The following MAP2K5 variants were observed in gnomAD, a reference collection of about 807,000 sequenced individuals.
MAP2K5 encodes dual specificity mitogen-activated protein kinase kinase 5.
In MAP2K5, 49 loss-of-function variants were observed where a neutral mutation model predicts 83.1. The observed-to-expected ratio is 0.59, with a 90% CI of 0.47 to 0.75. The LOEUF is 0.75. MAP2K5 is among the 30% of genes least tolerant of loss of function. The pLI is 0.00. For synonymous variants in MAP2K5, 202 were observed against 191.8 expected (o/e 1.05, Z -0.44); for missense variants, 457 against 557.5 (o/e 0.82, Z 1.82).
In MAP2K5 at chr15:67,668,561, C is replaced by T. The variant is rs186009220; in HGVS notation, c.847+3916C>T. The stretch of plus-strand genomic sequence containing the variant: ...CTTCACTTCAAAACATACATCGCCA[C>T]TAATGAGGTGAGAGCCCTGCATATT... On this transcript the variant is annotated intron_variant, in intron 13 of 21. Transcript: ENST00000178640. The surrounding 1 kb of genome is among the most constrained non-coding windows in gnomAD (Gnocchi z 4.0). 6.6e-6 allele frequency among the ~76,000 whole-genome samples: 1 copy of T among 152,274 alleles called. No homozygotes were observed.
chr15:67,752,520 A>G (rs2089742832), intron 19 of MAP2K5, among the ~76,000 whole-genome samples: 1 of 151,750 alleles, frequency 6.6e-6, no homozygotes, highest in South Asian at 2.1e-4. Flanking sequence ...TCTACTAAAA[A>G]TACAAAAATG....
Position 67,738,141 on chromosome 15 carries a change from T to C in MAP2K5, c.1075-10090T>C, listed in dbSNP as rs74358564. 0.11 allele frequency among the ~76,000 whole-genome samples: 16,388 copies of C among 152,158 alleles called. 976 individuals carry two copies. Among genetic ancestry groups the C allele is most frequent in the Admixed American group, 0.11 (1,731 of 15,284 alleles). On this transcript the variant is annotated intron_variant, in intron 17 of 21. Coordinates refer to ENST00000178640, the MANE Select transcript of MAP2K5 (RefSeq NM_145160.3). The surrounding 1 kb of genome is among the most constrained non-coding windows in gnomAD (Gnocchi z 4.1). ...TACTGGGATTACAGGCGTGAGCCAC[T>C]GCACTTGGCCTAGAATAGTCTTATG...
intron 12 of MAP2K5, among the ~76,000 whole-genome samples, chr15:67,660,179 A>G (rs573138797): frequency 1.7e-4 from 2 of 11,442 alleles, no homozygotes; most frequent in South Asian, 0.014. Flanking sequence ...CTGGAGTAGA[A>G]GAAATGTTTT....
intron 8 of MAP2K5, among the ~76,000 whole-genome samples, chr15:67,622,883 G>A (rs970230602): frequency 3.9e-5 from 6 of 152,172 alleles, no homozygotes; most frequent in African/African-American, 1.2e-4. Flanking sequence ...TGGATCATGA[G>A]GTCAGGAGAT....
At chr15:67,655,331 T>C (rs543637041) in intron 11 of MAP2K5, among the ~76,000 whole-genome samples, 2 of 152,348 alleles carry the variant, frequency 1.3e-5, no homozygotes, top group Non-Finnish European at 2.9e-5. Context: ...TACTGTCTTT[T>C]AACTTCAATC....
chr15:67,693,488 A>C (rs1296258765), intron 14 of MAP2K5, 30 bp from the exon 15 acceptor site: 1 of 1,567,356 alleles, frequency 6.4e-7, no homozygotes. Context: ...TTATCTTTAT[A>C]TTGTTCTAAC....
At chr15:67,721,919 TTTA>T (rs1377699808) in intron 16 of MAP2K5, among the ~76,000 whole-genome samples, 1 of 152,214 alleles carries the variant, frequency 6.6e-6, no homozygotes, top group Admixed American at 6.5e-5. Flanking sequence ...TTTCGTTACA[TTTA>T]TTATCCCATC....
intron 8 of MAP2K5, among the ~76,000 whole-genome samples, chr15:67,629,879 T>G (rs1255579344): frequency 1.3e-5 from 2 of 152,254 alleles, no homozygotes; most frequent in Non-Finnish European, 2.9e-5. Flanking sequence ...AAAAATGTGT[T>G]GCAGATTGCT....
intron 13 of MAP2K5, among the ~76,000 whole-genome samples, chr15:67,679,512 C>A (rs1399198034): frequency 6.6e-6 from 1 of 152,030 alleles, no homozygotes; most frequent in Non-Finnish European, 1.5e-5. Context: ...ATAGACATAG[C>A]CTTACTCATT....
chr15:67,579,945 G>C (rs190512331), intron 3 of MAP2K5, among the ~76,000 whole-genome samples: 1 of 152,094 alleles, frequency 6.6e-6, no homozygotes, highest in African/African-American at 2.4e-5. Flanking sequence ...TTTTCATTGT[G>C]GATATTTTTC....
In MAP2K5 at chr15:67,749,118, C is replaced by T. The variant is rs2089667627; in HGVS notation, c.1134+517C>T. ...CATTTTTCTCAGAATATGTCCCTAA[C>T]ATCTTGTGTATTCTAGTAGCTGGAA... On this transcript the variant is annotated intron_variant, in intron 19 of 21. Transcript: ENST00000178640. This position sits in a 1 kb window ranked among gnomAD's most constrained non-coding sequence, Gnocchi z 4.6. Among the ~76,000 whole-genome samples, 1 of 152,190 alleles carries T rather than the reference C, an allele frequency of 6.6e-6. No homozygotes were observed. Among genetic ancestry groups the T allele is most frequent in the Non-Finnish European group, 1.5e-5 (1 of 68,034 alleles).
At position 67,769,368 on chromosome 15, in the gene MAP2K5, C is replaced by T. The variant is rs1298001185; in HGVS notation, c.1135-234C>T. Among the ~76,000 whole-genome samples, 1 of 152,114 alleles carries T rather than the reference C, an allele frequency of 6.6e-6. No homozygotes were observed. On this transcript the variant is annotated intron_variant, in intron 19 of 21. Transcript: ENST00000178640. The surrounding 1 kb of genome is among the most constrained non-coding windows in gnomAD (Gnocchi z 5.2). ...TGTGGCTATCATTGTCCTTTTTTCA[C>T]CTCCCCCTCTCTCAGCTCTCATGTT...
rs1373105179 is a variant in MAP2K5 at position 67,636,422 on chromosome 15, A to T, written c.585+5495A>T. 4.0e-5 allele frequency among the ~76,000 whole-genome samples: 6 copies of T among 151,854 alleles called. No homozygotes were observed. The highest frequency in any genetic ancestry group is 3.9e-4 in the East Asian group (2 of 5,182). Reference sequence around the variant, plus strand: ...GACTCCGTCTCAAAAAAAAAAAAAAAGTATGAAATATAGTTATAATAACTG... The same window carrying T: ...GACTCCGTCTCAAAAAAAAAAAAAATGTATGAAATATAGTTATAATAACTG... On this transcript the variant is annotated intron_variant, in intron 9 of 21. Coordinates refer to ENST00000178640, the MANE Select transcript of MAP2K5 (RefSeq NM_145160.3). This position sits in a 1 kb window ranked among gnomAD's most constrained non-coding sequence, Gnocchi z 4.7.
chr15:67,634,212 A>G (rs2086538173), intron 9 of MAP2K5, among the ~76,000 whole-genome samples: 1 of 151,446 alleles, frequency 6.6e-6, no homozygotes, highest in Non-Finnish European at 1.5e-5. Flanking sequence ...TAAAAAATAA[A>G]AAATAAATTA....
intron 17 of MAP2K5, among the ~76,000 whole-genome samples, chr15:67,739,396 A>G (rs1192386883): frequency 7.1e-6 from 1 of 140,414 alleles, no homozygotes; most frequent in Non-Finnish European, 1.5e-5. Context: ...AGTAAGACAC[A>G]TGTTAATTCA....
intron 13 of MAP2K5, among the ~76,000 whole-genome samples, chr15:67,688,891 A>G (rs1290727433): frequency 6.6e-6 from 1 of 152,242 alleles, no homozygotes; most frequent in East Asian, 1.9e-4. Context: ...GTTAGGTTCA[A>G]ATTATGTCTC....
intron 3 of MAP2K5, among the ~76,000 whole-genome samples, chr15:67,578,483 T>G (rs754435731): frequency 6.6e-6 from 1 of 152,194 alleles, no homozygotes; most frequent in Non-Finnish European, 1.5e-5. Flanking sequence ...CATAAGCTTC[T>G]CTATTAATAC....
At position 67,668,344 on chromosome 15, in the gene MAP2K5, C is replaced by A. The variant is rs971471073; in HGVS notation, c.847+3699C>A. 1.3e-5 allele frequency among the ~76,000 whole-genome samples: 2 copies of A among 152,024 alleles called. No homozygotes were observed. Among genetic ancestry groups the A allele is most frequent in the African/African-American group, 4.8e-5 (2 of 41,394 alleles). ...AAATAAACCAAACGTGTGATAATTC[C>A]ACATGAGGACATAATCATTAAAAAT... On this transcript the variant is annotated intron_variant, in intron 13 of 21. Transcript: ENST00000178640. The surrounding 1 kb of genome is among the most constrained non-coding windows in gnomAD (Gnocchi z 4.0).
rs559557194 is a variant in MAP2K5 at position 67,698,265 on chromosome 15, G to T, written c.972+4697G>T. 6.6e-6 allele frequency among the ~76,000 whole-genome samples: 1 copy of T among 151,840 alleles called. No homozygotes were observed. Among genetic ancestry groups the T allele is most frequent in the Non-Finnish European group, 1.5e-5 (1 of 67,968 alleles). On this transcript the variant is annotated intron_variant, in intron 15 of 21. Coordinates refer to ENST00000178640, the MANE Select transcript of MAP2K5 (RefSeq NM_145160.3). The surrounding 1 kb of genome is among the most constrained non-coding windows in gnomAD (Gnocchi z 4.5). Reference sequence around the variant, plus strand: ...AGTGCAGTGGCGATTGCAGCTCACCGCAACCTCTGTCCCCTGGGTTCAAGC... The same window carrying T: ...AGTGCAGTGGCGATTGCAGCTCACCTCAACCTCTGTCCCCTGGGTTCAAGC...
Sources: allele counts gnomAD v4.1 joint callset (sites outside exome capture counted in the v4.1 genomes callset), GRCh38; gene constraint gnomAD v4.1.1; non-coding constraint Gnocchi (gnomAD v3.1); transcripts MANE v1.5; gene names NCBI Gene and HGNC (gene_info 2026-07-23, HGNC 2026-07-21).